Variants in CAMK4 observed in about 807,000 individuals in gnomAD.
The protein encoded by CAMK4 is calcium/calmodulin-dependent protein kinase type IV.
Under a neutral mutation model 44.9 loss-of-function variants are expected in CAMK4, and 22 were observed. The ratio of observed to expected loss-of-function variants is 0.49; its 90% confidence interval spans 0.35 to 0.70. The LOEUF (loss-of-function observed/expected upper bound fraction) is 0.70. Ranked by LOEUF, CAMK4 falls within the 30% of genes least tolerant of loss-of-function variation. The pLI is 0.01. For synonymous variants in CAMK4, 218 were observed against 215.4 expected, an observed-to-expected ratio of 1.01 and a Z score of -0.11; for missense variants, 498 against 586.8, an observed-to-expected ratio of 0.85 and a Z score of 1.56.
chr5:111,224,622 G>A lies in CAMK4; in HGVS notation c.139G>A (p.Glu47Lys). 1 of 1,610,860 alleles carries A rather than the reference G, an allele frequency of 6.2e-7. No homozygotes were observed. Among genetic ancestry groups the A allele is most frequent in the Non-Finnish European group, 8.5e-7 (1 of 1,179,212 alleles). ...SNRDALSDFF[E>K]VESELGRGAT... is the part of the protein sequence containing the mutation. ...CAGGGATGCGCTGAGCGATTTCTTCGAGGTGGAGTCGGAGCTGGGACGGTA... is the reference window on the plus strand; with the variant it reads ...CAGGGATGCGCTGAGCGATTTCTTCAAGGTGGAGTCGGAGCTGGGACGGTA... The change falls in exon 1 of 11, where the codon GAG becomes AAG. Residue 47 changes from glutamate to lysine, a missense_variant. Around this residue, in one of 3 missense-constraint regions of CAMK4, gnomAD observed 152 missense variants for 143.7 expected, o/e 1.06. Transcript: ENST00000282356. The surrounding 1 kb of genome is among the most constrained non-coding windows in gnomAD (Gnocchi z 5.7).
At chr5:111,340,265 G>T (rs945171056) in intron 1 of CAMK4, among the ~76,000 whole-genome samples, 1 of 151,378 alleles carries the variant, frequency 6.6e-6, no homozygotes, top group East Asian at 2.0e-4. Flanking sequence ...GTATTGAATA[G>T]AAGTGGTGAG....
chr5:111,369,041 A>AAAT (rs904479522), intron 2 of CAMK4, among the ~76,000 whole-genome samples: 3 of 149,512 alleles, frequency 2.0e-5, no homozygotes, highest in Admixed American at 6.7e-5. Context: ...TCTACTCACA[A>AAAT]AATAATAATA....
intron 5 of CAMK4, among the ~76,000 whole-genome samples, chr5:111,432,371 G>A (rs573237186): frequency 6.6e-6 from 1 of 152,114 alleles, no homozygotes; most frequent in South Asian, 2.1e-4. Flanking sequence ...GTAGTAGGGG[G>A]TTCGGGGAAG....
At chr5:111,337,460 T>C (rs1749453858) in intron 1 of CAMK4, among the ~76,000 whole-genome samples, 1 of 150,940 alleles carries the variant, frequency 6.6e-6, no homozygotes, top group Admixed American at 6.6e-5. Context: ...TTTGTATTCT[T>C]ACCAGTGATG....
intron 5 of CAMK4, among the ~76,000 whole-genome samples, chr5:111,441,100 A>T (rs1301415814): frequency 1.3e-5 from 2 of 152,186 alleles, no homozygotes; most frequent in Non-Finnish European, 2.9e-5. Context: ...TATTACCCCA[A>T]AGCACCACTC....
chr5:111,468,673 T>C (rs1754932602), intron 7 of CAMK4, among the ~76,000 whole-genome samples: 1 of 152,194 alleles, frequency 6.6e-6, no homozygotes, highest in Non-Finnish European at 1.5e-5. Flanking sequence ...GTCAATGCCA[T>C]ATTAACTAGT....
At chr5:111,459,673 G>A (rs1754564833) in intron 7 of CAMK4, among the ~76,000 whole-genome samples, 1 of 141,592 alleles carries the variant, frequency 7.1e-6, no homozygotes, top group East Asian at 2.1e-4. Flanking sequence ...TTCTCTTTGA[G>A]TTTAGAGACA....
At chr5:111,333,150 G>A (rs534279743) in intron 1 of CAMK4, among the ~76,000 whole-genome samples, 51 of 151,732 alleles carry the variant, frequency 3.4e-4, no homozygotes, top group African/African-American at 1.2e-3. Context: ...AGATGGAATT[G>A]TGTAGATACA....
intron 1 of CAMK4, among the ~76,000 whole-genome samples, chr5:111,316,230 G>A (rs1405954589): frequency 2.0e-5 from 3 of 152,088 alleles, no homozygotes; most frequent in African/African-American, 4.8e-5. Flanking sequence ...AACGGGGCAG[G>A]AGATGTCGCC....
chr5:111,468,950 C>G (rs1430440114), intron 7 of CAMK4, among the ~76,000 whole-genome samples: 1 of 148,486 alleles, frequency 6.7e-6, no homozygotes, highest in Non-Finnish European at 1.5e-5. Flanking sequence ...TGTACTCCAG[C>G]CTGGGTGACA....
chr5:111,411,229 G>A (rs144451448), intron 5 of CAMK4, among the ~76,000 whole-genome samples: 7 of 152,310 alleles, frequency 4.6e-5, no homozygotes, highest in Non-Finnish European at 1.0e-4. Context: ...GACAGAGTTA[G>A]CATCCAGCAT....
rs57215459 is a variant in CAMK4, at chr5:111,408,116, A to AAGAG, written c.459+13354_459+13357dup. Among the ~76,000 whole-genome samples, 1,225 of 149,366 alleles carry AAGAG rather than the reference A, an allele frequency of 8.2e-3. 7 individuals are homozygous for AAGAG. Among genetic ancestry groups the AAGAG allele is most frequent in the South Asian group, 0.011 (54 of 4,710 alleles). ...AAAGTGAGACTCCATCAAAGAAAGA[A>AAGAG]AGAGAGAGAGAGAGAGAGAGAGAAA... On this transcript the variant is annotated intron_variant, in intron 5 of 10. Transcript: ENST00000282356.
chr5:111,233,883 C>T (rs1187817401), intron 1 of CAMK4, among the ~76,000 whole-genome samples: 1 of 152,074 alleles, frequency 6.6e-6, no homozygotes, highest in Non-Finnish European at 1.5e-5. Flanking sequence ...TCGACTATAG[C>T]AGAGGTCTAT....
At chr5:111,277,185 T>A (rs1174776533) in intron 1 of CAMK4, among the ~76,000 whole-genome samples, 1 of 152,210 alleles carries the variant, frequency 6.6e-6, no homozygotes, top group Non-Finnish European at 1.5e-5. Flanking sequence ...CGCATGAAGC[T>A]CCATGAATAC....
In CAMK4 at chr5:111,439,624, G is replaced by A. The variant is rs887068137; in HGVS notation, c.460-7062G>A. On this transcript the variant is annotated intron_variant, in intron 5 of 10. Transcript: ENST00000282356. ...TGGAGCACCAATGAAACATTCCAAT[G>A]GAATGTAAAGTAGAAAGTTGAATGG... Among the ~76,000 whole-genome samples, 5 of 152,154 alleles carry A rather than the reference G, an allele frequency of 3.3e-5. No homozygotes were observed. In the South Asian group the frequency reaches 8.3e-4, roughly 25 times the overall value.
intron 1 of CAMK4, among the ~76,000 whole-genome samples, chr5:111,231,090 A>T (rs139875765): frequency 6.6e-6 from 1 of 152,288 alleles, no homozygotes; most frequent in East Asian, 1.9e-4. Flanking sequence ...CATGACTCCA[A>T]TGGTTTAATT....
At chr5:111,455,387 G>A (rs1754379145) in intron 7 of CAMK4, among the ~76,000 whole-genome samples, 1 of 152,008 alleles carries the variant, frequency 6.6e-6, no homozygotes, top group African/African-American at 2.4e-5. Context: ...AATTAATTCT[G>A]TCATAATTAT....
chr5:111,326,498 T>C (rs1437360296), intron 1 of CAMK4, among the ~76,000 whole-genome samples: 6 of 151,934 alleles, frequency 3.9e-5, no homozygotes, highest in Admixed American at 3.3e-4. Context: ...ATTTTCACTG[T>C]TGAATTCTAC....
chr5:111,379,424 G>A (rs2112832295), intron 4 of CAMK4, among the ~76,000 whole-genome samples: 1 of 152,244 alleles, frequency 6.6e-6, no homozygotes, highest in Admixed American at 6.5e-5. Flanking sequence ...TCTGAAGAAT[G>A]GCATACAGCC....
Sources: allele counts gnomAD v4.1 joint callset (sites outside exome capture counted in the v4.1 genomes callset), GRCh38; gene constraint gnomAD v4.1.1; regional missense constraint gnomAD v4.1.1; non-coding constraint Gnocchi (gnomAD v3.1); transcripts MANE v1.5; gene names NCBI Gene and HGNC (gene_info 2026-07-23, HGNC 2026-07-21).